RAI14: variants seen among roughly 807,000 people sequenced by gnomAD.
The protein encoded by RAI14 is retinoic acid induced 14, also known as ankycorbin.
Under a neutral mutation model 115.4 loss-of-function variants are expected in RAI14, and 45 were observed. That is an observed-to-expected ratio of 0.39 (90% CI 0.31 to 0.50). The LOEUF is 0.50. Among genes scored for constraint, RAI14 ranks in the 20% least tolerant of loss-of-function variants. The probability of loss-of-function intolerance (pLI) is 0.85; values close to 1 mark genes in which losing one functional copy is unlikely to be tolerated. For synonymous variants in RAI14, 371 were observed against 415.4 expected (o/e 0.89, Z 1.30); for missense variants, 939 against 1,131.2 (o/e 0.83, Z 2.44).
chr5:34,679,367 A>G (rs1744227556), intron 1 of RAI14, among the ~76,000 whole-genome samples: 1 of 152,186 alleles, frequency 6.6e-6, no homozygotes, highest in African/African-American at 2.4e-5. Context: ...AAGTTTCACT[A>G]AGTGTTGACT....
chr5:34,822,093 A>G (rs1486424929), intron 14 of RAI14, among the ~76,000 whole-genome samples: 2 of 149,662 alleles, frequency 1.3e-5, no homozygotes, highest in Admixed American at 6.7e-5. Flanking sequence ...TAAATATTCT[A>G]TATGTTTAAT....
At chr5:34,796,961 G>A (rs1473451182) in intron 4 of RAI14, among the ~76,000 whole-genome samples, 5 of 152,176 alleles carry the variant, frequency 3.3e-5, no homozygotes, top group Non-Finnish European at 7.3e-5. Flanking sequence ...TGATTCTAAT[G>A]TGAAGCCAGT....
intron 2 of RAI14, among the ~76,000 whole-genome samples, chr5:34,704,183 A>G (rs1020796146): frequency 6.6e-6 from 1 of 152,208 alleles, no homozygotes; most frequent in Non-Finnish European, 1.5e-5. Flanking sequence ...AAGCTTCTTA[A>G]ACTACTGGTT....
At chr5:34,664,037 C>T (rs1742911838) in intron 1 of RAI14, among the ~76,000 whole-genome samples, 1 of 152,054 alleles carries the variant, frequency 6.6e-6, no homozygotes, top group South Asian at 2.1e-4. Context: ...CAAGGGGACA[C>T]CTTTGGGAAG....
At chr5:34,815,435 C>A (rs1355156916) in intron 12 of RAI14, among the ~76,000 whole-genome samples, 2 of 151,784 alleles carry the variant, frequency 1.3e-5, no homozygotes, top group East Asian at 3.9e-4. Context: ...TGGTGGCAGG[C>A]ACCTGTAGTC....
chr5:34,668,411 G>A (rs938747082), intron 1 of RAI14, among the ~76,000 whole-genome samples: 6 of 149,792 alleles, frequency 4.0e-5, no homozygotes, highest in African/African-American at 1.5e-4. Context: ...AAAAAAAAAG[G>A]TGGGCCCCAC....
chr5:34,792,621 C>T (rs958137184), intron 3 of RAI14, among the ~76,000 whole-genome samples: 2 of 152,192 alleles, frequency 1.3e-5, no homozygotes, highest in African/African-American at 4.8e-5. Flanking sequence ...ACACAACAAA[C>T]ACCTGGATGT....
At chr5:34,659,426 C>G (rs1278146977) in intron 1 of RAI14, among the ~76,000 whole-genome samples, 2 of 152,094 alleles carry the variant, frequency 1.3e-5, no homozygotes, top group African/African-American at 2.4e-5. Context: ...TGCCACCATG[C>G]CTGGCTAATT....
chr5:34,702,997 T>A (rs1395565639), intron 2 of RAI14, among the ~76,000 whole-genome samples: 2 of 152,238 alleles, frequency 1.3e-5, no homozygotes, highest in Non-Finnish European at 2.9e-5. Context: ...TGAGCCACCA[T>A]GCCCAGCCAT....
At chr5:34,689,688 C>T (rs1404240057) in intron 2 of RAI14, among the ~76,000 whole-genome samples, 1 of 151,846 alleles carries the variant, frequency 6.6e-6, no homozygotes, top group Non-Finnish European at 1.5e-5. Flanking sequence ...CCCTGGCCAA[C>T]ATGGAGAAAC....
At position 34,697,890 on chromosome 5, in the gene RAI14, G is replaced by T. The variant is rs1739465763; in HGVS notation, c.36+10935G>T. Among the ~76,000 whole-genome samples, 8 of 152,106 alleles carry T rather than the reference G, an allele frequency of 5.3e-5. No individual in the cohort carries two copies. The South Asian group carries it at 1.5e-3, about 28-fold the overall frequency. On this transcript the variant is annotated intron_variant, in intron 2 of 17. Coordinates refer to ENST00000265109, the MANE Select transcript of RAI14 (RefSeq NM_015577.3). ...GCAAAACTTTAGAACAAATCTAAAA[G>T]AATATTAAAAATGGTAGAATGTCCA... is the stretch of plus-strand genomic sequence containing the variant.
In RAI14 at chr5:34,812,165, CT is replaced by C; in HGVS notation, c.737-10del. The C allele has an allele frequency of 6.4e-7, 1 of 1,571,350 alleles. No homozygotes were observed. The highest frequency in any genetic ancestry group is 8.7e-7 in the Non-Finnish European group (1 of 1,146,998). On this transcript the variant is annotated splice_polypyrimidine_tract_variant and intron_variant, in intron 9 of 17. Transcript: ENST00000265109. ...ATGCTTCTTATAGTTCTTTTTTTCACTTTTTCCTCTATAGATTTAAAGACCC... is the reference window on the plus strand; with the variant it reads ...ATGCTTCTTATAGTTCTTTTTTTCACTTTTCCTCTATAGATTTAAAGACCC...
chr5:34,679,828 T>C (rs918130754), intron 1 of RAI14, among the ~76,000 whole-genome samples: 1 of 152,128 alleles, frequency 6.6e-6, no homozygotes, highest in African/African-American at 2.4e-5. Context: ...GAAACCCAAT[T>C]ACTATGTTGC....
intron 4 of RAI14, among the ~76,000 whole-genome samples, chr5:34,798,131 G>A (rs1753756020): frequency 6.6e-6 from 1 of 152,092 alleles, no homozygotes; most frequent in African/African-American, 2.4e-5. Flanking sequence ...CGCATCCCAG[G>A]TTCAAGTGAC....
intron 1 of RAI14, among the ~76,000 whole-genome samples, chr5:34,683,486 C>A (rs1275794342): frequency 1.3e-5 from 2 of 151,918 alleles, no homozygotes; most frequent in African/African-American, 4.8e-5. Context: ...TAACACAACA[C>A]CCACGAAACC....
At chr5:34,694,788 A>G (rs1739018300) in intron 2 of RAI14, among the ~76,000 whole-genome samples, 1 of 152,164 alleles carries the variant, frequency 6.6e-6, no homozygotes, top group Non-Finnish European at 1.5e-5. Context: ...TCTAAGATGT[A>G]TTTCCCAATG....
intron 3 of RAI14, among the ~76,000 whole-genome samples, chr5:34,790,587 A>AT (rs1236034673): frequency 6.6e-6 from 1 of 152,102 alleles, no homozygotes; most frequent in Non-Finnish European, 1.5e-5. Flanking sequence ...AAAGTAAGAT[A>AT]TTTTAAAGAG....
chr5:34,666,795 C>G (rs551555992), intron 1 of RAI14, among the ~76,000 whole-genome samples: 1 of 152,184 alleles, frequency 6.6e-6, no homozygotes, highest in Non-Finnish European at 1.5e-5. Context: ...GGACTGTCCT[C>G]GAATAAGGTC....
chr5:34,764,718 T>C (rs1203244372), intron 3 of RAI14, among the ~76,000 whole-genome samples: 3 of 152,122 alleles, frequency 2.0e-5, no homozygotes, highest in Admixed American at 2.0e-4. Context: ...GAAGCAGTGT[T>C]GTATGTTAAA....
Sources: gnomAD v4.1 joint callset for allele counts (sites outside exome capture counted in the v4.1 genomes callset) on GRCh38, gnomAD v4.1.1 for gene constraint, MANE v1.5 for transcripts, NCBI Gene and HGNC (gene_info 2026-07-23, HGNC 2026-07-21) for gene names.